KLHL29: variants seen among roughly 807,000 people sequenced by gnomAD.
KLHL29 encodes kelch like family member 29.
Under a neutral mutation model 80.4 loss-of-function variants are expected in KLHL29, and 21 were observed. The observed-to-expected ratio is 0.26, with a 90% CI of 0.19 to 0.38. The LOEUF (loss-of-function observed/expected upper bound fraction) is 0.38. KLHL29 is among the 10% of genes least tolerant of loss of function. KLHL29 has a pLI of 1.00. For missense variants in KLHL29, 867 were observed against 1,223.9 expected (o/e 0.71, Z 4.35); for synonymous variants, 511 against 526.8 (o/e 0.97, Z 0.41).
At chr2:23,589,984 G>C (rs1284592301) in intron 3 of KLHL29, among the ~76,000 whole-genome samples, 1 of 152,226 alleles carries the variant, frequency 6.6e-6, no homozygotes, top group Non-Finnish European at 1.5e-5. Flanking sequence ...TCCTGGGAGA[G>C]CCCAGCCAGC....
At chr2:23,660,584 G>T (rs1310018804) in intron 5 of KLHL29, among the ~76,000 whole-genome samples, 1 of 152,230 alleles carries the variant, frequency 6.6e-6, no homozygotes, top group Non-Finnish European at 1.5e-5. Flanking sequence ...GCCAAAAAGG[G>T]ACAAGGGGCA....
chr2:23,546,468 T>C (rs552459660), intron 2 of KLHL29, among the ~76,000 whole-genome samples: 33 of 152,214 alleles, frequency 2.2e-4, no homozygotes, highest in Middle Eastern at 3.4e-3. Flanking sequence ...TCCTGTTGTT[T>C]TGGGGCCTCA....
At chr2:23,632,871 C>T (rs1330722159) in intron 3 of KLHL29, among the ~76,000 whole-genome samples, 1 of 152,248 alleles carries the variant, frequency 6.6e-6, no homozygotes, top group Non-Finnish European at 1.5e-5. Flanking sequence ...CCCAGCTTTC[C>T]AGACTGCAGT....
chr2:23,599,741 G>A (rs1388771740), intron 3 of KLHL29, among the ~76,000 whole-genome samples: 3 of 152,134 alleles, frequency 2.0e-5, no homozygotes, highest in Admixed American at 6.6e-5. Flanking sequence ...TTTCGGTTCC[G>A]TGGATAGGGA....
At chr2:23,433,121 A>T (rs1476685898) in intron 1 of KLHL29, among the ~76,000 whole-genome samples, 1 of 152,234 alleles carries the variant, frequency 6.6e-6, no homozygotes. Context: ...TTCTGGTGGC[A>T]GAGCACCCTT....
intron 2 of KLHL29, among the ~76,000 whole-genome samples, chr2:23,499,171 C>T (rs1255762420): frequency 2.6e-5 from 4 of 152,268 alleles, no homozygotes; most frequent in African/African-American, 7.2e-5. Flanking sequence ...TTGGCATACT[C>T]ACTGAAGCCA....
chr2:23,471,668 G>A (rs908992020), intron 1 of KLHL29, among the ~76,000 whole-genome samples: 1 of 152,084 alleles, frequency 6.6e-6, no homozygotes, highest in South Asian at 2.1e-4. Context: ...TAGCTTTTAC[G>A]ATTTGTTTTC....
chr2:23,654,699 G>GGC (rs1553350623), intron 5 of KLHL29, among the ~76,000 whole-genome samples: 2 of 118,810 alleles, frequency 1.7e-5, no homozygotes, highest in East Asian at 7.1e-4. Context: ...CAGAGGTTGG[G>GGC]GGGGGGGGGT....
chr2:23,582,117 G>T (rs1668002731), intron 3 of KLHL29, among the ~76,000 whole-genome samples: 1 of 152,058 alleles, frequency 6.6e-6, no homozygotes, highest in African/African-American at 2.4e-5. Context: ...CACGCCTCCA[G>T]TGACTCCCAG....
At chr2:23,703,998 ACAGGAGTGGGCATTAGCC>A in intron 13 of KLHL29, 135 bp downstream of exon 13, 1 of 1,047,442 alleles carries the variant, frequency 9.5e-7, no homozygotes, top group Non-Finnish European at 1.3e-6. Context: ...CCCTCCAACC[ACAGGAGTGGGCATTAGCC>A]CAGACCAGTA....
chr2:23,531,546 A>G (rs892979885), intron 2 of KLHL29, among the ~76,000 whole-genome samples: 1 of 152,206 alleles, frequency 6.6e-6, no homozygotes, highest in Non-Finnish European at 1.5e-5. Context: ...CCCTGGGACC[A>G]ACGGGATTTC....
At chr2:23,547,283 G>A (rs934364460) in intron 2 of KLHL29, among the ~76,000 whole-genome samples, 3 of 152,288 alleles carry the variant, frequency 2.0e-5, no homozygotes, top group South Asian at 2.1e-4. Context: ...ACCCGATTCC[G>A]AGCCTGGGTC....
chr2:23,590,517 G>A lies in KLHL29; in HGVS notation c.285+28036G>A, dbSNP rs552764088. Among the ~76,000 whole-genome samples, 7 of 152,326 alleles carry A rather than the reference G, an allele frequency of 4.6e-5. No homozygotes were observed. The South Asian group carries it at 1.4e-3, about 32-fold the overall frequency. On this transcript the variant is annotated intron_variant, in intron 3 of 13. Transcript: ENST00000486442. ...CCTGAACACTCTGGGAGCCTTTGAA[G>A]CAAGGATGGATTTATTCCTTTCAGG...
intron 3 of KLHL29, among the ~76,000 whole-genome samples, chr2:23,580,900 C>G (rs1254554263): frequency 6.6e-6 from 1 of 150,942 alleles, no homozygotes; most frequent in Non-Finnish European, 1.5e-5. Context: ...ATTGCTTGAA[C>G]CCAGGAGGAG....
chr2:23,586,814 G>A (rs1245758468), intron 3 of KLHL29, among the ~76,000 whole-genome samples: 2 of 152,022 alleles, frequency 1.3e-5, no homozygotes, highest in Admixed American at 6.6e-5. Flanking sequence ...CTTAGCACAC[G>A]CCGCATTGTA....
intron 3 of KLHL29, among the ~76,000 whole-genome samples, chr2:23,603,286 C>T (rs1455073549): frequency 3.9e-5 from 6 of 152,188 alleles, no homozygotes; most frequent in Non-Finnish European, 8.8e-5. Flanking sequence ...TCCAGAAACC[C>T]CGTTCATCCC....
At chr2:23,507,138 G>A in intron 2 of KLHL29, 1 of 438,676 alleles carries the variant, frequency 2.3e-6, no homozygotes. Context: ...GCACGGGTGT[G>A]CCCAGCTGTT....
chr2:23,678,695 T>C (rs972067036), intron 5 of KLHL29, among the ~76,000 whole-genome samples: 11 of 152,198 alleles, frequency 7.2e-5, no homozygotes, highest in African/African-American at 2.7e-4. Flanking sequence ...TTAAACAGTA[T>C]GTGGTATCTA....
chr2:23,605,666 A>G (rs961401488), intron 3 of KLHL29, among the ~76,000 whole-genome samples: 1 of 152,192 alleles, frequency 6.6e-6, no homozygotes, highest in African/African-American at 2.4e-5. Context: ...TCTAGGCCCA[A>G]AAGAAAGAGG....
Sources: gnomAD v4.1 joint callset for allele counts (sites outside exome capture counted in the v4.1 genomes callset) on GRCh38, gnomAD v4.1.1 for gene constraint, MANE v1.5 for transcripts, NCBI Gene and HGNC (gene_info 2026-07-23, HGNC 2026-07-21) for gene names.